The following SBF2 variants were observed in gnomAD, a reference collection of about 807,000 sequenced individuals.
SBF2 encodes SET binding factor 2.
SBF2 carries 112 observed loss-of-function variants against 225.2 expected under a neutral mutation model. That is an observed-to-expected ratio of 0.50 (90% CI 0.43 to 0.58). The LOEUF is 0.58. SBF2 is among the 20% of genes least tolerant of loss of function. SBF2 has a pLI of 0.00. For synonymous variants in SBF2, 763 were observed against 773.3 expected, an observed-to-expected ratio of 0.99 and a Z score of 0.22; for missense variants, 1,996 against 2,206.2, an observed-to-expected ratio of 0.90 and a Z score of 1.91.
At chr11:9,818,435 C>A (rs1358401704) in intron 28 of SBF2, among the ~76,000 whole-genome samples, 1 of 152,212 alleles carries the variant, frequency 6.6e-6, no homozygotes, top group East Asian at 1.9e-4. Context: ...GTATCACCTT[C>A]AAATCAAGAG....
chr11:10,293,983 G>A, intron 1 of SBF2, 32 bp downstream of exon 1: 1 of 1,315,352 alleles, frequency 7.6e-7, no homozygotes, highest in Non-Finnish European at 9.7e-7. Context: ...GGGGCGGGGA[G>A]GCCCGGGGGC....
At chr11:9,871,819 AAC>A (rs1230948585) in intron 17 of SBF2, among the ~76,000 whole-genome samples, 1 of 152,076 alleles carries the variant, frequency 6.6e-6, no homozygotes, top group Non-Finnish European at 1.5e-5. Flanking sequence ...GTAAAAAAAC[AAC>A]AGATGTTGGT....
At position 10,059,853 on chromosome 11, in the gene SBF2, C is replaced by A. The variant is rs574837787; in HGVS notation, c.142-16872G>T. ...TTAATGACAACAATAATACAACATA[C>A]CAGAATCTCTGGGACACAGCTAAAG... On this transcript the variant is annotated intron_variant, in intron 2 of 39. Transcript: ENST00000256190. Among the ~76,000 whole-genome samples, 9 of 152,122 alleles carry A rather than the reference C, an allele frequency of 5.9e-5. No individual in the cohort carries two copies. In the South Asian group the frequency reaches 1.7e-3, roughly 28 times the overall value.
At chr11:10,046,879 CAAAAAA>C (rs34571490) in intron 2 of SBF2, among the ~76,000 whole-genome samples, 1 of 99,614 alleles carries the variant, frequency 1.0e-5, no homozygotes, top group Non-Finnish European at 2.0e-5. Flanking sequence ...TCTGAAAGGA[CAAAAAA>C]AAAAAAAAAA....
chr11:9,818,883 G>A (rs952586788), intron 28 of SBF2, among the ~76,000 whole-genome samples: 26 of 152,040 alleles, frequency 1.7e-4, no homozygotes, highest in Admixed American at 6.6e-4. Flanking sequence ...CACCACGCCC[G>A]GCTAATTTTT....
chr11:10,071,482 G>A (rs563791340), intron 2 of SBF2, among the ~76,000 whole-genome samples: 2 of 152,008 alleles, frequency 1.3e-5, no homozygotes, highest in Non-Finnish European at 2.9e-5. Flanking sequence ...TAGCCAGGAT[G>A]GTCTTGATTT....
intron 1 of SBF2, among the ~76,000 whole-genome samples, chr11:10,246,249 G>A (rs1348763109): frequency 6.6e-6 from 1 of 152,066 alleles, no homozygotes; most frequent in Non-Finnish European, 1.5e-5. Flanking sequence ...TCCTCAATTT[G>A]TATACATTAA....
chr11:10,073,652 G>C (rs553253367), intron 2 of SBF2, among the ~76,000 whole-genome samples: 2 of 152,304 alleles, frequency 1.3e-5, no homozygotes, highest in Middle Eastern at 3.4e-3. Context: ...GGGAGGCAGA[G>C]GTTGCAGTGA....
intron 2 of SBF2, among the ~76,000 whole-genome samples, chr11:10,067,593 G>C (rs1043583582): frequency 1.3e-5 from 2 of 152,032 alleles, no homozygotes; most frequent in Non-Finnish European, 2.9e-5. Flanking sequence ...CATAGTACTA[G>C]AGTAAAGAAA....
intron 2 of SBF2, among the ~76,000 whole-genome samples, chr11:10,182,412 A>G (rs899832214): frequency 1.3e-5 from 2 of 152,230 alleles, no homozygotes; most frequent in Admixed American, 1.3e-4. Context: ...ACATACAGAT[A>G]CATAAAATCC....
At chr11:10,250,669 A>G (rs1158896704) in intron 1 of SBF2, among the ~76,000 whole-genome samples, 2 of 152,216 alleles carry the variant, frequency 1.3e-5, no homozygotes, top group African/African-American at 4.8e-5. Context: ...ACGCCACAGT[A>G]TATTTTCACC....
chr11:9,960,255 T>C (rs1303798849), intron 16 of SBF2: 1 of 152,320 alleles, frequency 6.6e-6, no homozygotes, highest in Non-Finnish European at 1.5e-5. Context: ...TTCTTAATTT[T>C]AATGTAGTCA....
At chr11:10,276,219 A>G (rs537887723) in intron 1 of SBF2, among the ~76,000 whole-genome samples, 1 of 152,340 alleles carries the variant, frequency 6.6e-6, no homozygotes, top group East Asian at 1.9e-4. Context: ...CCTGACTACC[A>G]AAGTTTCCAC....
intron 1 of SBF2, among the ~76,000 whole-genome samples, chr11:10,246,140 C>CAAAAAAAG (rs1959768426): frequency 1.3e-5 from 2 of 151,896 alleles, no homozygotes; most frequent in Non-Finnish European, 2.9e-5. Flanking sequence ...TTATCACACA[C>CAAAAAAAG]AAAAAAAGAA....
At chr11:10,127,465 C>A (rs1320032230) in intron 2 of SBF2, among the ~76,000 whole-genome samples, 1 of 152,056 alleles carries the variant, frequency 6.6e-6, no homozygotes. Context: ...GTTATCTCAT[C>A]AACATCCCTC....
Position 9,779,054 on chromosome 11 carries a change from G to A in SBF2, c.*1364C>T, listed in dbSNP as rs10118. On this transcript the variant is annotated 3_prime_UTR_variant, in exon 40 of 40. Coordinates refer to ENST00000256190, the MANE Select transcript of SBF2 (RefSeq NM_030962.4). ...AGTCCTTCATTCTTAATTATCCCCAGATTTCTTATATATTAACACAGTTCT... is the reference window on the plus strand; with the variant it reads ...AGTCCTTCATTCTTAATTATCCCCAAATTTCTTATATATTAACACAGTTCT... 0.63 allele frequency: 96,106 copies of A among 152,478 alleles called. 30,532 individuals are homozygous for A. The highest frequency in any genetic ancestry group is 0.71 in the Middle Eastern group (209 of 294). 9.4% of individuals were successfully genotyped at this position (152,478 alleles called of 1,614,324 possible).
At chr11:10,269,788 G>T in intron 1 of SBF2, among the ~76,000 whole-genome samples, 1 of 152,192 alleles carries the variant, frequency 6.6e-6, no homozygotes, top group Middle Eastern at 3.4e-3. Context: ...TAGAAATGGG[G>T]TCCCACTCTG....
At chr11:10,157,528 G>C (rs1955535478) in intron 2 of SBF2, among the ~76,000 whole-genome samples, 1 of 152,092 alleles carries the variant, frequency 6.6e-6, no homozygotes, top group Non-Finnish European at 1.5e-5. Context: ...ATCCAACAAG[G>C]TCTAATATTC....
chr11:9,875,874 C>A (rs1393121342), intron 17 of SBF2, among the ~76,000 whole-genome samples: 2 of 152,022 alleles, frequency 1.3e-5, no homozygotes, highest in African/African-American at 4.8e-5. Flanking sequence ...TATGCAGGCA[C>A]ACACAAACAC....
Sources: allele counts gnomAD v4.1 joint callset (sites outside exome capture counted in the v4.1 genomes callset), GRCh38; gene constraint gnomAD v4.1.1; transcripts MANE v1.5; gene names NCBI Gene and HGNC (gene_info 2026-07-23, HGNC 2026-07-21).